TNS3: variants seen among roughly 807,000 people sequenced by gnomAD.
TNS3 encodes the protein tensin 3, also known as tensin-3.
A neutral mutation model predicts 140.9 loss-of-function variants in TNS3; 45 were observed. The ratio of observed to expected loss-of-function variants is 0.32; its 90% CI spans 0.25 to 0.41. The LOEUF (loss-of-function observed/expected upper bound fraction) is 0.41. TNS3 is among the 10% of genes least tolerant of loss of function. TNS3 has a pLI of 1.00. For synonymous variants in TNS3, 815 were observed against 788.4 expected (o/e 1.03, Z -0.56); for missense variants, 1,716 against 1,906.7 (o/e 0.90, Z 1.86).
At chr7:47,466,392 T>G (rs1004270794) in intron 4 of TNS3, among the ~76,000 whole-genome samples, 5 of 152,198 alleles carry the variant, frequency 3.3e-5, no homozygotes, top group African/African-American at 1.2e-4. Context: ...ATGATCCGCC[T>G]GCCTTGGCCT....
intron 27 of TNS3, among the ~76,000 whole-genome samples, chr7:47,286,812 G>GA: frequency 6.6e-6 from 1 of 152,212 alleles, no homozygotes; most frequent in South Asian, 2.1e-4. Context: ...GTGTAGCCAT[G>GA]AAAAAAATGA....
intron 16 of TNS3, among the ~76,000 whole-genome samples, chr7:47,384,849 C>T (rs905084348): frequency 2.0e-5 from 3 of 152,222 alleles, no homozygotes; most frequent in African/African-American, 7.2e-5. Context: ...GTCTCCCTCG[C>T]CTGTGGCCCA....
At chr7:47,511,368 CA>C (rs927646954) in intron 2 of TNS3, among the ~76,000 whole-genome samples, 3 of 149,454 alleles carry the variant, frequency 2.0e-5, no homozygotes, top group East Asian at 3.9e-4. Context: ...AACAGAATCA[CA>C]AAAAAAAATG....
At chr7:47,294,424 A>T (rs1025915486) in intron 24 of TNS3, among the ~76,000 whole-genome samples, 8 of 152,210 alleles carry the variant, frequency 5.3e-5, no homozygotes, top group African/African-American at 1.7e-4. Context: ...AAAACACATC[A>T]TAAAAAGCCA....
intron 1 of TNS3, among the ~76,000 whole-genome samples, chr7:47,578,580 G>T (rs1800730578): frequency 6.6e-6 from 1 of 152,036 alleles, no homozygotes; most frequent in African/African-American, 2.4e-5. Flanking sequence ...GGTGGTTAGA[G>T]GTGTGTCTAG....
chr7:47,330,879 C>T (rs1788297738), intron 20 of TNS3, among the ~76,000 whole-genome samples: 1 of 152,124 alleles, frequency 6.6e-6, no homozygotes, highest in Non-Finnish European at 1.5e-5. Context: ...ACCCTCCCAC[C>T]AGCCCGCACT....
chr7:47,411,805 T>C lies in TNS3; in HGVS notation c.648-3A>G. The C allele has an allele frequency of 6.2e-7, 1 of 1,613,164 alleles. No homozygotes were observed. Among genetic ancestry groups the C allele is most frequent in the Admixed American group, 1.7e-5 (1 of 59,950 alleles). ...TGGGGTTTTCTGGGCCAACGTTGCT[T>C]TGGGATGAAGAAGAAGGTAGATCAT... On this transcript the variant is annotated splice_polypyrimidine_tract_variant and splice_region_variant and intron_variant, in intron 12 of 30. Coordinates refer to ENST00000311160, the MANE Select transcript of TNS3 (RefSeq NM_022748.12).
chr7:47,357,998 G>T (rs559889263), intron 17 of TNS3, among the ~76,000 whole-genome samples: 1 of 152,102 alleles, frequency 6.6e-6, no homozygotes, highest in South Asian at 2.1e-4. Context: ...GGGGACCCCC[G>T]CCTGCCTCAC....
intron 12 of TNS3, among the ~76,000 whole-genome samples, chr7:47,412,658 G>C (rs893126888): frequency 2.0e-5 from 3 of 152,182 alleles, no homozygotes; most frequent in African/African-American, 7.2e-5. Flanking sequence ...AAAAACCATA[G>C]TAGTGAGATC....
At chr7:47,572,287 C>T (rs1450546955) in intron 1 of TNS3, among the ~76,000 whole-genome samples, 7 of 152,212 alleles carry the variant, frequency 4.6e-5, no homozygotes, top group South Asian at 2.1e-4. Flanking sequence ...AGACCGGCAA[C>T]GGCAACGCCT....
chr7:47,549,377 C>G lies in TNS3; in HGVS notation c.-264-20230G>C, dbSNP rs184444255. 4.1e-3 allele frequency among the ~76,000 whole-genome samples: 628 copies of G among 152,170 alleles called. 4 individuals are homozygous for G. Among genetic ancestry groups the G allele is most frequent in the African/African-American group, 0.015 (603 of 41,524 alleles). On this transcript the variant is annotated intron_variant, in intron 1 of 30. Transcript: ENST00000311160. ...ATGTGTGGTGGCGGGTGCCTGTAAT[C>G]CCAGCTACTCGGGAGGCTGAGGCAG...
At chr7:47,307,968 G>A (rs1041164676) in intron 20 of TNS3, among the ~76,000 whole-genome samples, 3 of 152,076 alleles carry the variant, frequency 2.0e-5, no homozygotes, top group African/African-American at 7.2e-5. Flanking sequence ...TTATCAATTT[G>A]TTCTTTTAGG....
intron 3 of TNS3, among the ~76,000 whole-genome samples, chr7:47,488,159 A>G (rs1027511161): frequency 1.3e-5 from 2 of 152,178 alleles, no homozygotes; most frequent in African/African-American, 4.8e-5. Flanking sequence ...TCTTTAATTC[A>G]CCCATTAGTT....
At chr7:47,311,157 T>A (rs542182654) in intron 20 of TNS3, among the ~76,000 whole-genome samples, 73 of 152,356 alleles carry the variant, frequency 4.8e-4, no homozygotes, top group African/African-American at 1.5e-3. Flanking sequence ...TCTTCCACAA[T>A]GGTTGAACTA....
chr7:47,431,824 A>G (rs949457362), intron 8 of TNS3, among the ~76,000 whole-genome samples: 9 of 152,216 alleles, frequency 5.9e-5, no homozygotes, highest in African/African-American at 2.2e-4. Context: ...TCAAAATCAG[A>G]AATGAAAGAG....
intron 17 of TNS3, among the ~76,000 whole-genome samples, chr7:47,355,468 T>C (rs556443918): frequency 4.6e-5 from 7 of 152,100 alleles, no homozygotes; most frequent in Non-Finnish European, 1.0e-4. Flanking sequence ...GTCAGAGCCC[T>C]GGAGAATCAG....
In TNS3 at chr7:47,505,123, C is replaced by A. The variant is rs200741472; in HGVS notation, c.-115+1784G>T. ...CAGAGTCAGGACAAGCAGCCCACCCCCTCCTCCTACTCCGCAGCCGACCCA... is the reference window on the plus strand; with the variant it reads ...CAGAGTCAGGACAAGCAGCCCACCCACTCCTCCTACTCCGCAGCCGACCCA... On this transcript the variant is annotated intron_variant, in intron 3 of 30. Coordinates refer to ENST00000311160, the MANE Select transcript of TNS3 (RefSeq NM_022748.12). Among the ~76,000 whole-genome samples, 111 of 152,272 alleles carry A rather than the reference C, an allele frequency of 7.3e-4. No individual in the cohort carries two copies. The East Asian group carries it at 0.01, about 14-fold the overall frequency.
chr7:47,316,952 G>A (rs534434479), intron 20 of TNS3, among the ~76,000 whole-genome samples: 1 of 152,150 alleles, frequency 6.6e-6, no homozygotes, highest in East Asian at 1.9e-4. Flanking sequence ...CATGGTTTCC[G>A]ATGAGAATCA....
chr7:47,326,586 G>A (rs368798198), intron 20 of TNS3, among the ~76,000 whole-genome samples: 7 of 151,872 alleles, frequency 4.6e-5, no homozygotes, highest in Admixed American at 6.6e-5. Flanking sequence ...GGCTCCCCAC[G>A]GGCCACCATG....
Sources: allele counts gnomAD v4.1 joint callset (sites outside exome capture counted in the v4.1 genomes callset), GRCh38; gene constraint gnomAD v4.1.1; transcripts MANE v1.5; gene names NCBI Gene and HGNC (gene_info 2026-07-23, HGNC 2026-07-21).